Variants in ALDH3A2 observed in about 807,000 individuals in gnomAD.
ALDH3A2 encodes aldehyde dehydrogenase family 3 member A2.
ALDH3A2 carries 36 observed loss-of-function variants against 51.3 expected under a neutral mutation model. The observed-to-expected ratio is 0.70, with a 90% confidence interval of 0.54 to 0.93. ALDH3A2 has a LOEUF of 0.93. ALDH3A2 is among the 40% of genes least tolerant of loss of function. ALDH3A2 has a pLI of 0.00. For synonymous variants in ALDH3A2, 199 were observed against 219.8 expected (o/e 0.91, Z 0.84); for missense variants, 552 against 603.1 (o/e 0.92, Z 0.89).
intron 1 of ALDH3A2, among the ~76,000 whole-genome samples, chr17:19,651,042 C>G (rs1224494811): frequency 1.3e-5 from 2 of 152,134 alleles, no homozygotes; most frequent in East Asian, 3.8e-4. Context: ...TATAGGATGA[C>G]TCAAGAAATA....
At chr17:19,675,337 C>T in intron 9 of ALDH3A2, 1 of 597,006 alleles carries the variant, frequency 1.7e-6, no homozygotes, top group East Asian at 2.8e-5. Context: ...TTGTCTTACT[C>T]TTATTGTTAT....
chr17:19,652,637 G>T lies in ALDH3A2; in HGVS notation c.471+5G>T, dbSNP rs1467596913. The T allele has an allele frequency of 1.9e-5, 31 of 1,605,210 alleles. No individual in the cohort carries two copies. Among genetic ancestry groups the T allele is most frequent in the Middle Eastern group, 3.3e-4 (2 of 6,058 alleles). ...CTCCCTCAGTATTTAGACCAGGTAA[G>T]AATTTCTTGACTCATCTCCAACATA... On this transcript the variant is annotated splice_donor_5th_base_variant and intron_variant, in intron 3 of 9. Transcript: ENST00000176643.
At chr17:19,648,647 T>G, upstream of ALDH3A2, 1 of 421,202 alleles carries the variant, frequency 2.4e-6, no homozygotes. Flanking sequence ...CCCAGCCCGC[T>G]GCCAGAGCCG....
At chr17:19,649,568 C>A (rs1462364773) in intron 1 of ALDH3A2, 1 of 156,932 alleles carries the variant, frequency 6.4e-6, no homozygotes, top group African/African-American at 2.4e-5. Context: ...TCTGAATAAC[C>A]CATTACCATC....
intron 8 of ALDH3A2, among the ~76,000 whole-genome samples, chr17:19,667,441 A>G (rs1402369749): frequency 6.6e-6 from 1 of 152,226 alleles, no homozygotes; most frequent in Non-Finnish European, 1.5e-5. Flanking sequence ...GGGCTTATAC[A>G]ATTTTCCAAA....
In ALDH3A2 at chr17:19,654,192, C is replaced by G. The variant is rs142478273; in HGVS notation, c.471+1560C>G. Among the ~76,000 whole-genome samples the G allele has an allele frequency of 6.6e-6, 1 of 152,220 alleles. No individual in the cohort carries two copies. The highest frequency in any genetic ancestry group is 2.4e-5 in the African/African-American group (1 of 41,464). ...GCTGATTGGTGCATATACAATCCTC[C>G]GGCTAGACATAAAAGTTCTCTAAGT... On this transcript the variant is annotated intron_variant, in intron 3 of 9. Coordinates refer to ENST00000176643, the MANE Select transcript of ALDH3A2 (RefSeq NM_000382.3). This position sits in a 1 kb window ranked among gnomAD's most constrained non-coding sequence, Gnocchi z 4.5.
intron 8 of ALDH3A2, among the ~76,000 whole-genome samples, chr17:19,669,396 GTAAAC>G (rs2085082287): frequency 1.3e-5 from 2 of 152,092 alleles, no homozygotes; most frequent in Middle Eastern, 3.4e-3. Context: ...TTCCCAAAGA[GTAAAC>G]TATGCTGGCA....
chr17:19,675,081 A>G (rs796562699), intron 9 of ALDH3A2: 18 of 158,310 alleles, frequency 1.1e-4, no homozygotes, highest in African/African-American at 4.3e-4. Flanking sequence ...TAGGCCTTTG[A>G]CAACTAAATA....
chr17:19,660,155 C>T (rs1399105494), intron 5 of ALDH3A2, among the ~76,000 whole-genome samples: 1 of 152,044 alleles, frequency 6.6e-6, no homozygotes, highest in Non-Finnish European at 1.5e-5. Flanking sequence ...CTCTGCCTCC[C>T]TTTGAGGCAT....
Position 19,651,788 on chromosome 17 carries a change from C to G in ALDH3A2, c.385+10C>G. ...GGAGCCATCGCTGCAGGTCTGGTGCCACCTTATGTCTATATACCTTTTTAG... is the reference window on the plus strand; with the variant it reads ...GGAGCCATCGCTGCAGGTCTGGTGCGACCTTATGTCTATATACCTTTTTAG... On this transcript the variant is annotated intron_variant, in intron 2 of 9. Transcript: ENST00000176643. 1 of 1,607,706 alleles carries G rather than the reference C, an allele frequency of 6.2e-7. No individual in the cohort carries two copies. Among genetic ancestry groups the G allele is most frequent in the South Asian group, 1.1e-5 (1 of 90,904 alleles).
intron 8 of ALDH3A2, among the ~76,000 whole-genome samples, chr17:19,666,778 AAAATAAATAAAT>A (rs150864433): frequency 1.2e-3 from 168 of 143,896 alleles, no homozygotes; most frequent in South Asian, 0.01. Context: ...CTCCGATCTC[AAAATAAATAAAT>A]AAATAAATAA....
chr17:19,661,412 G>A, intron 6 of ALDH3A2, 144 bp downstream of exon 6: 1 of 925,506 alleles, frequency 1.1e-6, no homozygotes, highest in Non-Finnish European at 1.7e-6. Context: ...TACTGTACCT[G>A]TAGCTTTTGT....
chr17:19,652,491 G>T, intron 2 of ALDH3A2, 56 bp from the exon 3 acceptor site: 1 of 1,325,380 alleles, frequency 7.5e-7, no homozygotes, highest in Non-Finnish European at 1.1e-6. Flanking sequence ...ACATCATTTT[G>T]GTAGCTATTA....
At chr17:19,668,453 G>A (rs2085068623) in intron 8 of ALDH3A2, among the ~76,000 whole-genome samples, 1 of 151,932 alleles carries the variant, frequency 6.6e-6, no homozygotes, top group South Asian at 2.1e-4. Context: ...TCACCATGTT[G>A]GCCAGGCTGG....
chr17:19,654,399 A>G lies in ALDH3A2; in HGVS notation c.471+1767A>G, dbSNP rs1300334290. ...TCAGGGAGGCTCGGGCAGCATGGGA[A>G]CCCACCAGGGGCGGGGTGGGGGCCT... On this transcript the variant is annotated intron_variant, in intron 3 of 9. Coordinates refer to ENST00000176643, the MANE Select transcript of ALDH3A2 (RefSeq NM_000382.3). This position sits in a 1 kb window ranked among gnomAD's most constrained non-coding sequence, Gnocchi z 4.5. Among the ~76,000 whole-genome samples the G allele has an allele frequency of 1.3e-5, 2 of 152,214 alleles. No individual in the cohort carries two copies. Among genetic ancestry groups the G allele is most frequent in the African/African-American group, 4.8e-5 (2 of 41,524 alleles).
chr17:19,673,109 T>C (rs764230545), intron 9 of ALDH3A2: 5 of 1,613,716 alleles, frequency 3.1e-6, no homozygotes, highest in South Asian at 1.1e-5. Flanking sequence ...TTAGTGGAAT[T>C]GGAGATACCA....
chr17:19,653,466 A>G (rs2084846701), intron 3 of ALDH3A2, among the ~76,000 whole-genome samples: 1 of 152,242 alleles, frequency 6.6e-6, no homozygotes, highest in East Asian at 1.9e-4. Flanking sequence ...ATGTTCGGAC[A>G]TGTTCGGAGT....
upstream of ALDH3A2, chr17:19,648,136 G>C (rs1383813780): frequency 6.6e-6 from 1 of 152,410 alleles, no homozygotes; most frequent in Non-Finnish European, 1.5e-5. Flanking sequence ...GCAGCCTGGG[G>C]AGAAGCTCTG....
At chr17:19,665,446 G>A (rs758589484) in intron 8 of ALDH3A2, among the ~76,000 whole-genome samples, 10 of 150,860 alleles carry the variant, frequency 6.6e-5, no homozygotes, top group Non-Finnish European at 1.2e-4. Flanking sequence ...TGAAAGGTTC[G>A]GAATACCAGG....
Sources: allele counts gnomAD v4.1 joint callset (sites outside exome capture counted in the v4.1 genomes callset), GRCh38; gene constraint gnomAD v4.1.1; non-coding constraint Gnocchi (gnomAD v3.1); transcripts MANE v1.5; gene names NCBI Gene and HGNC (gene_info 2026-07-23, HGNC 2026-07-21).